Variants in SELENOW observed in about 807,000 individuals in gnomAD.
The protein encoded by SELENOW is selenoprotein W, 1.
A neutral mutation model predicts 16.6 loss-of-function variants in SELENOW; 20 were observed. The observed-to-expected ratio is 1.21, with a 90% CI of 0.85 to 1.76. The LOEUF (loss-of-function observed/expected upper bound fraction) is 1.76, where lower values mean the gene tolerates loss of function less well. SELENOW is among the 40% of genes most tolerant of loss of function. SELENOW has a pLI of 0.00. For synonymous variants in SELENOW, 44 were observed against 46.2 expected, an observed-to-expected ratio of 0.95 and a Z score of 0.19; for missense variants, 124 against 111.0, an observed-to-expected ratio of 1.12 and a Z score of -0.53.
intron 1 of SELENOW, chr19:47,779,307 C>T (rs1367946490): frequency 6.4e-6 from 1 of 156,684 alleles, no homozygotes; most frequent in Non-Finnish European, 1.4e-5. Context: ...CCTTTTCTGG[C>T]CTCAGTTTTC....
intron 1 of SELENOW, chr19:47,779,281 G>T: frequency 6.3e-6 from 1 of 157,750 alleles, no homozygotes. Context: ...GGGTTCCCTT[G>T]GCCACGAACC....
At chr19:47,781,816 G>A (rs995364330) in intron 5 of SELENOW, among the ~76,000 whole-genome samples, 1 of 150,766 alleles carries the variant, frequency 6.6e-6, no homozygotes, top group African/African-American at 2.4e-5. Flanking sequence ...GGCTGAGATG[G>A]TGATGGGTCA....
rs755667697 is a variant in SELENOW at position 47,778,718 on chromosome 19, G to T, written c.-68G>T. The T allele has an allele frequency of 2.4e-5, 38 of 1,552,120 alleles. No homozygotes were observed. Among genetic ancestry groups the T allele is most frequent in the Admixed American group, 3.8e-5 (2 of 52,002 alleles). ...TTCCCGCCGCACTCGCGCAGACCTA[G>T]CGCGTCCAGGTGGGAGGTTAGTGTG... On this transcript the variant is annotated 5_prime_UTR_variant, in exon 1 of 6. Transcript: ENST00000601048.
At chr19:47,780,512 C>G (rs1967460913) in intron 1 of SELENOW, 3 of 598,406 alleles carry the variant, frequency 5.0e-6, no homozygotes, top group Admixed American at 2.9e-5. Context: ...GCGCCACCCC[C>G]TGTGCTGTGT....
chr19:47,781,439 C>G (rs1039967625), intron 5 of SELENOW, 51 bp downstream of exon 5: 5 of 1,029,050 alleles, frequency 4.9e-6, no homozygotes, highest in Non-Finnish European at 7.4e-6. Context: ...TTCTCCCTGC[C>G]CCATGCTCTG....
intron 1 of SELENOW, chr19:47,780,183 C>T (rs147923991): frequency 8.8e-5 from 39 of 441,252 alleles, no homozygotes; most frequent in African/African-American, 5.4e-4. Flanking sequence ...TGGGGCGGGC[C>T]GATCCCCTGA....
intron 1 of SELENOW, chr19:47,779,241 A>T: frequency 5.9e-6 from 1 of 168,208 alleles, no homozygotes; most frequent in Non-Finnish European, 1.3e-5. Flanking sequence ...TGTGTTTCAG[A>T]AGCACTTGAA....
chr19:47,778,706 C>T lies in SELENOW; in HGVS notation c.-80C>T. 7 of 1,497,604 alleles carry T rather than the reference C, an allele frequency of 4.7e-6. No individual in the cohort carries two copies. The highest frequency in any genetic ancestry group is 2.7e-6 in the Non-Finnish European group (3 of 1,108,832). The allele number at this position is 1,497,604 out of a possible 1,614,324, so 92.8% of individuals were successfully genotyped here. On this transcript the variant is annotated 5_prime_UTR_variant, in exon 1 of 6. Coordinates refer to ENST00000601048, the MANE Select transcript of SELENOW (RefSeq NM_003009.4). ...TTTCTGCGCAGGTTCCCGCCGCACTCGCGCAGACCTAGCGCGTCCAGGTGG... is the reference window on the plus strand; with the variant it reads ...TTTCTGCGCAGGTTCCCGCCGCACTTGCGCAGACCTAGCGCGTCCAGGTGG...
rs752159078 is a variant in SELENOW, at chr19:47,781,273, C to T, written c.184-17C>T. ...CTCGGTCCCAGCTCACCCCTTCCCT[C>T]TTCCTCCCCTCCCTAGAAAGGCGAT... On this transcript the variant is annotated splice_polypyrimidine_tract_variant and intron_variant, in intron 4 of 5. Transcript: ENST00000601048. The T allele has an allele frequency of 5.0e-6, 8 of 1,611,052 alleles. No homozygotes were observed. In the East Asian group the frequency reaches 6.7e-5, roughly 13 times the overall value.
chr19:47,780,834 C>T, intron 2 of SELENOW, 30 bp from the exon 3 acceptor site: 1 of 1,610,436 alleles, frequency 6.2e-7, no homozygotes, highest in Non-Finnish European at 8.5e-7. Context: ...CTGGTATGAC[C>T]CCTGCTGTGA....
At chr19:47,778,975 C>T (rs866181238) in intron 1 of SELENOW, 161 bp downstream of exon 1, 1 of 647,576 alleles carries the variant, frequency 1.5e-6, no homozygotes, top group South Asian at 2.0e-5. Flanking sequence ...GGGCGAAAAA[C>T]AGAGGGCGGT....
intron 5 of SELENOW, chr19:47,782,924 C>A (rs368468139): frequency 6.6e-6 from 1 of 152,252 alleles, no homozygotes; most frequent in African/African-American, 2.4e-5. Flanking sequence ...TTTCCAGCAC[C>A]TTCTGAGTCT....
intron 1 of SELENOW, 180 bp from the exon 2 acceptor site, chr19:47,780,545 G>T: frequency 1.6e-6 from 1 of 617,378 alleles, no homozygotes; most frequent in Non-Finnish European, 2.9e-6. Flanking sequence ...CCTGGCTGGT[G>T]CCTGTCTTCT....
In SELENOW at chr19:47,781,924, A is replaced by G. The variant is rs555107158; in HGVS notation, c.*18+536A>G. Reference sequence around the variant, plus strand: ...AGGTGTGCAGGATGACAGCTGAGATAGGGTCAGAGGTATGCAGGATGACAG... The same window carrying G: ...AGGTGTGCAGGATGACAGCTGAGATGGGGTCAGAGGTATGCAGGATGACAG... On this transcript the variant is annotated intron_variant, in intron 5 of 5. Transcript: ENST00000601048. 4.7e-5 allele frequency among the ~76,000 whole-genome samples: 7 copies of G among 148,642 alleles called. No homozygotes were observed. The East Asian group carries it at 1.2e-3, about 26-fold the overall frequency.
chr19:47,780,361 C>T, intron 1 of SELENOW: 2 of 389,706 alleles, frequency 5.1e-6, no homozygotes, highest in Non-Finnish European at 9.8e-6. Context: ...TGCTGTTCTT[C>T]TCCTAATCCA....
chr19:47,784,023 A>T (rs1967505011), intron 5 of SELENOW: 1 of 152,178 alleles, frequency 6.6e-6, no homozygotes, highest in African/African-American at 2.4e-5. Flanking sequence ...CAGCCTCCCA[A>T]GTAGCTGGGA....
At chr19:47,778,887 G>A in intron 1 of SELENOW, 73 bp downstream of exon 1, 1 of 1,479,526 alleles carries the variant, frequency 6.8e-7, no homozygotes, top group Non-Finnish European at 9.2e-7. Context: ...GGGTCAGGGA[G>A]CCCCGGGGAG....
rs2123697573 is a variant in SELENOW, at chr19:47,781,208, G to A, written c.183+26G>A. On this transcript the variant is annotated intron_variant, in intron 4 of 5. Coordinates refer to ENST00000601048, the MANE Select transcript of SELENOW (RefSeq NM_003009.4). The stretch of plus-strand genomic sequence containing the variant: ...GTATGTCTGTCTGTCCGTCCTGCCT[G>A]GTTTTGGGGCTAGCATGGGGTTGGG... The A allele has an allele frequency of 2.5e-6, 4 of 1,611,406 alleles. No individual in the cohort carries two copies. The highest frequency in any genetic ancestry group is 1.7e-4 in the Middle Eastern group (1 of 6,048).
In SELENOW at chr19:47,781,460, C is replaced by T. The variant is rs535115712; in HGVS notation, c.*18+72C>T. 23 of 874,906 alleles carry T rather than the reference C, an allele frequency of 2.6e-5. No homozygotes were observed. In the African/African-American group the frequency reaches 3.3e-4, roughly 13 times the overall value. 54.2% of individuals were successfully genotyped at this position (874,906 alleles called of 1,614,324 possible). A position where few individuals can be genotyped will look rare whatever the true frequency, so the allele number is the denominator to read the frequency against. On this transcript the variant is annotated intron_variant, in intron 5 of 5. Coordinates refer to ENST00000601048, the MANE Select transcript of SELENOW (RefSeq NM_003009.4). ...CTGCCCCATGCTCTGACTCCTTGGC[C>T]CAGGGTGGAGAGCCTGGGAGATGGG...
Sources: gnomAD v4.1 joint callset for allele counts (sites outside exome capture counted in the v4.1 genomes callset) on GRCh38, gnomAD v4.1.1 for gene constraint, MANE v1.5 for transcripts, NCBI Gene and HGNC (gene_info 2026-07-23, HGNC 2026-07-21) for gene names.